NCOA6: variants seen among roughly 807,000 people sequenced by gnomAD.
NCOA6 encodes the protein NRC RAP250.
Under a neutral mutation model 171.4 loss-of-function variants are expected in NCOA6, and 49 were observed. The ratio of observed to expected loss-of-function variants is 0.29; its 90% CI spans 0.23 to 0.36. The LOEUF (loss-of-function observed/expected upper bound fraction) is 0.36, where lower values mean the gene tolerates loss of function less well. Ranked by LOEUF, NCOA6 falls within the 10% of genes least tolerant of loss-of-function variation. NCOA6 has a pLI of 1.00. For missense variants in NCOA6, 2,248 were observed against 2,554.5 expected, an observed-to-expected ratio of 0.88 and a Z score of 2.59; for synonymous variants, 910 against 927.5, an observed-to-expected ratio of 0.98 and a Z score of 0.34.
chr20:34,782,425 A>G (rs2077537103), intron 2 of NCOA6, 21 bp from the exon 3 acceptor site: 1 of 882,766 alleles, frequency 1.1e-6, no homozygotes, highest in Admixed American at 2.6e-5. Context: ...AAGATGCAAA[A>G]GAGCATTACA....
chr20:34,812,417 C>A (rs2078697610), intron 1 of NCOA6, among the ~76,000 whole-genome samples: 1 of 152,060 alleles, frequency 6.6e-6, no homozygotes, highest in African/African-American at 2.4e-5. Flanking sequence ...ATACAACAAC[C>A]CTGGTTTGCT....
At chr20:34,740,288 GA>G in intron 11 of NCOA6, 74 bp downstream of exon 11, 2 of 1,512,202 alleles carry the variant, frequency 1.3e-6, no homozygotes, top group Non-Finnish European at 1.8e-6. Flanking sequence ...AGTAAAAAAG[GA>G]GTCATGCTTT....
intron 13 of NCOA6, among the ~76,000 whole-genome samples, chr20:34,732,220 C>T (rs1435544461): frequency 1.3e-5 from 2 of 152,198 alleles, no homozygotes; most frequent in Non-Finnish European, 2.9e-5. Flanking sequence ...CTTTAGAAGA[C>T]AGCTGCAAGG....
At chr20:34,779,848 G>A (rs535073071) in intron 3 of NCOA6, among the ~76,000 whole-genome samples, 1 of 151,106 alleles carries the variant, frequency 6.6e-6, no homozygotes, top group African/African-American at 2.4e-5. Flanking sequence ...AAAAAAAACA[G>A]GGAAAACTTG....
intron 2 of NCOA6, among the ~76,000 whole-genome samples, chr20:34,791,919 A>G (rs2077899037): frequency 6.6e-6 from 1 of 152,140 alleles, no homozygotes; most frequent in Non-Finnish European, 1.5e-5. Flanking sequence ...TGCCAATTTA[A>G]ACCCATTATG....
At chr20:34,753,732 G>A (rs1279635265) in intron 8 of NCOA6, among the ~76,000 whole-genome samples, 4 of 152,110 alleles carry the variant, frequency 2.6e-5, no homozygotes, top group South Asian at 4.1e-4. Flanking sequence ...TGCATTAGCA[G>A]ATAGAGAAAT....
rs2077320724 is a variant in NCOA6, at chr20:34,776,333, C to A, written c.351G>T (p.Gln117His). ...RLRILAQSNNQQLRDLGILSV... is the reference protein window; with the variant it reads ...RLRILAQSNNHQLRDLGILSV... ...AGAGAATCCCTAAATCCCGAAGCTGCTGGTTGTTGCTCTGAGCAAGGATCC... is the reference window on the plus strand; with the variant it reads ...AGAGAATCCCTAAATCCCGAAGCTGATGGTTGTTGCTCTGAGCAAGGATCC... The change falls in exon 4 of 15, where the codon CAG (glutamine) becomes CAT (histidine). Residue 117 changes from glutamine to histidine, a missense_variant. Coordinates refer to ENST00000359003, the MANE Select transcript of NCOA6 (RefSeq NM_014071.5). The A allele has an allele frequency of 6.2e-7, 1 of 1,614,064 alleles. No homozygotes were observed. Among genetic ancestry groups the A allele is most frequent in the South Asian group, 1.1e-5 (1 of 91,082 alleles).
chr20:34,752,914 C>CAAAAAAAAAAAAAAAAACACAAAAAA (rs71196760), intron 8 of NCOA6, among the ~76,000 whole-genome samples: 1 of 119,064 alleles, frequency 8.4e-6, no homozygotes, highest in African/African-American at 3.2e-5. Context: ...AACTCCATCT[C>CAAAAAAAAAAAAAAAAACACAAAAAA]AAAAAAAAAA....
intron 2 of NCOA6, among the ~76,000 whole-genome samples, chr20:34,790,733 T>C (rs2077851353): frequency 6.6e-6 from 1 of 152,148 alleles, no homozygotes; most frequent in Admixed American, 6.6e-5. Context: ...CACTGCAACC[T>C]CTGCCTCCCA....
intron 2 of NCOA6, among the ~76,000 whole-genome samples, chr20:34,785,344 T>A (rs2077640742): frequency 6.6e-6 from 1 of 150,918 alleles, no homozygotes; most frequent in Non-Finnish European, 1.5e-5. Context: ...CCTGTATTCC[T>A]AGCACTTTGG....
At chr20:34,768,388 T>C in intron 5 of NCOA6, 76 bp downstream of exon 5, 1 of 1,569,920 alleles carries the variant, frequency 6.4e-7, no homozygotes, top group South Asian at 1.2e-5. Context: ...CCCACCTATC[T>C]TGCAGGGCTC....
At position 34,750,241 on chromosome 20, in the gene NCOA6, T is replaced by G. The variant is rs763734799; in HGVS notation, c.1954A>C (p.Arg652=). 6.2e-6 allele frequency: 10 copies of G among 1,610,906 alleles called. No individual in the cohort carries two copies. Among genetic ancestry groups the G allele is most frequent in the Non-Finnish European group, 8.5e-6 (10 of 1,178,200 alleles). ...LNPQNPMILS[R]AQLMPQGQMM... ...TGGCCCTGTGGCATAAGCTGGGCCC[T>G]TGAAAGGATCATAGGGTTCTGAGGG... Residue 652 remains arginine (R), a synonymous_variant, in exon 9 of 15, where the codon AGG becomes CGG. Coordinates refer to ENST00000359003, the MANE Select transcript of NCOA6 (RefSeq NM_014071.5).
intron 1 of NCOA6, among the ~76,000 whole-genome samples, chr20:34,799,637 T>C (rs2078191175): frequency 1.3e-5 from 2 of 152,050 alleles, no homozygotes; most frequent in Admixed American, 1.3e-4. Context: ...GGAACTCCAA[T>C]ACATCTGGCA....
At chr20:34,727,693 TC>T (rs1344013628) in intron 13 of NCOA6, among the ~76,000 whole-genome samples, 1 of 151,170 alleles carries the variant, frequency 6.6e-6, no homozygotes, top group Non-Finnish European at 1.5e-5. Flanking sequence ...GGAACAAAAC[TC>T]CCCTAATTCC....
intron 14 of NCOA6, among the ~76,000 whole-genome samples, chr20:34,719,864 C>CAA (rs1989105542): frequency 6.6e-6 from 1 of 152,170 alleles, no homozygotes; most frequent in South Asian, 2.1e-4. Context: ...AGGGTTTTCT[C>CAA]CCACGACATT....
intron 2 of NCOA6, among the ~76,000 whole-genome samples, chr20:34,787,278 C>T (rs2077714797): frequency 6.6e-6 from 1 of 151,970 alleles, no homozygotes; most frequent in Non-Finnish European, 1.5e-5. Flanking sequence ...AATCCCAGCA[C>T]TTTGGGAGGC....
At chr20:34,770,932 G>A (rs1309356827) in intron 4 of NCOA6, among the ~76,000 whole-genome samples, 1 of 151,850 alleles carries the variant, frequency 6.6e-6, no homozygotes, top group Admixed American at 6.6e-5. Flanking sequence ...GCCAGGCCAG[G>A]CCAAACTTCT....
intron 4 of NCOA6, among the ~76,000 whole-genome samples, chr20:34,772,238 CAG>C (rs2077172010): frequency 6.6e-6 from 1 of 151,500 alleles, no homozygotes. Flanking sequence ...TGCTTAAGCC[CAG>C]GAGGCCGGGG....
Position 34,782,103 on chromosome 20 carries a change from A to C in NCOA6, c.235+18T>G. ...TCAAAAACAGTAACAGGAAGAAAAA[A>C]TAATTAAAGCAAATTACCCATGTGT... On this transcript the variant is annotated intron_variant, in intron 3 of 14. Transcript: ENST00000359003. 6.7e-7 allele frequency: 1 copy of C among 1,497,064 alleles called. No homozygotes were observed. The highest frequency in any genetic ancestry group is 9.1e-7 in the Non-Finnish European group (1 of 1,095,536). 92.7% of individuals were successfully genotyped at this position (1,497,064 alleles called of 1,614,324 possible).
Sources: allele counts gnomAD v4.1 joint callset (sites outside exome capture counted in the v4.1 genomes callset), GRCh38; gene constraint gnomAD v4.1.1; transcripts MANE v1.5; gene names NCBI Gene and HGNC (gene_info 2026-07-23, HGNC 2026-07-21).